TRIM2: variants seen among roughly 807,000 people sequenced by gnomAD.
TRIM2 encodes tripartite motif containing 2, also known as tripartite motif-containing protein 2.
TRIM2 carries 20 observed loss-of-function variants against 75.2 expected under a neutral mutation model. That is an observed-to-expected ratio of 0.27 (90% CI 0.19 to 0.39). The LOEUF (loss-of-function observed/expected upper bound fraction) is 0.39, where lower values mean the gene tolerates loss of function less well. TRIM2 is among the 10% of genes least tolerant of loss of function. TRIM2 has a pLI of 1.00. For synonymous variants in TRIM2, 373 were observed against 388.3 expected (o/e 0.96, Z 0.46); for missense variants, 660 against 990.8 (o/e 0.67, Z 4.48).
chr4:153,283,344 A>G (rs986109157), intron 3 of TRIM2, among the ~76,000 whole-genome samples: 5 of 152,186 alleles, frequency 3.3e-5, no homozygotes, highest in Non-Finnish European at 7.4e-5. Flanking sequence ...GCTTCCATCA[A>G]TTAGCATGTT....
chr4:153,211,102 C>T (rs1056855001), intron 1 of TRIM2, among the ~76,000 whole-genome samples: 7 of 152,144 alleles, frequency 4.6e-5, no homozygotes, highest in African/African-American at 1.7e-4. Flanking sequence ...TTTTTTCTCA[C>T]AAGCCATGCT....
chr4:153,206,197 C>A (rs548511620), intron 1 of TRIM2, among the ~76,000 whole-genome samples: 1 of 152,330 alleles, frequency 6.6e-6, no homozygotes, highest in African/African-American at 2.4e-5. Context: ...TTTAAGGGCT[C>A]AGTCCTACCA....
At chr4:153,239,433 CTCTCTCTCTGCCTT>C (rs1236909166) in intron 1 of TRIM2, among the ~76,000 whole-genome samples, 2 of 151,408 alleles carry the variant, frequency 1.3e-5, no homozygotes, top group African/African-American at 2.4e-5. Context: ...CTCTCTCTCT[CTCTCTCTCTGCCTT>C]TCTGTTATTT....
At chr4:153,284,868 A>G (rs1367576510) in intron 3 of TRIM2, among the ~76,000 whole-genome samples, 2 of 152,164 alleles carry the variant, frequency 1.3e-5, no homozygotes, top group African/African-American at 2.4e-5. Context: ...ATGACTAGCC[A>G]TATTTTCTCC....
At chr4:153,161,654 G>T (rs781651334) in intron 1 of TRIM2, among the ~76,000 whole-genome samples, 1 of 152,160 alleles carries the variant, frequency 6.6e-6, no homozygotes, top group African/African-American at 2.4e-5. Flanking sequence ...CACAGACAAC[G>T]CTAGTACACT....
intron 2 of TRIM2, among the ~76,000 whole-genome samples, chr4:153,275,013 G>A (rs1404768128): frequency 6.6e-6 from 1 of 152,178 alleles, no homozygotes; most frequent in African/African-American, 2.4e-5. Flanking sequence ...TGTTTGGCTA[G>A]GTACTGGAAA....
intron 3 of TRIM2, among the ~76,000 whole-genome samples, chr4:153,279,665 G>A (rs899922794): frequency 2.0e-5 from 3 of 152,044 alleles, no homozygotes; most frequent in East Asian, 1.9e-4. Context: ...ACATGAGGCC[G>A]AGCACAGTGG....
intron 1 of TRIM2, among the ~76,000 whole-genome samples, chr4:153,233,677 G>A (rs1027660171): frequency 2.4e-4 from 37 of 152,242 alleles, no homozygotes; most frequent in African/African-American, 8.7e-4. Flanking sequence ...AGGTGGTAGG[G>A]AGGCAGGTGG....
intron 1 of TRIM2, among the ~76,000 whole-genome samples, chr4:153,217,650 A>T (rs1202632892): frequency 6.6e-6 from 1 of 152,204 alleles, no homozygotes. Context: ...GTGTTGCAAC[A>T]AATCATGATT....
rs1419179109 is a variant in TRIM2 at position 153,295,106 on chromosome 4, G to A, written c.787-207G>A. Among the ~76,000 whole-genome samples, 2 of 152,364 alleles carry A rather than the reference G, an allele frequency of 1.3e-5. 1 individual carries two copies. Among genetic ancestry groups the A allele is most frequent in the African/African-American group, 4.8e-5 (2 of 41,590 alleles). On this transcript the variant is annotated intron_variant, in intron 5 of 11. Coordinates refer to ENST00000338700, the MANE Select transcript of TRIM2 (RefSeq NM_015271.5). The surrounding 1 kb of genome is among the most constrained non-coding windows in gnomAD (Gnocchi z 7.2). Reference sequence around the variant, plus strand: ...GAAATACATGTGTGGAAGAGAGGGCGAGGCGGAAGGGAAACCTCGAAAAGG... The same window carrying A: ...GAAATACATGTGTGGAAGAGAGGGCAAGGCGGAAGGGAAACCTCGAAAAGG...
chr4:153,279,031 G>A (rs994207227), intron 3 of TRIM2, among the ~76,000 whole-genome samples: 4 of 152,264 alleles, frequency 2.6e-5, no homozygotes, highest in Admixed American at 1.3e-4. Context: ...AATTGCAAAA[G>A]CATCAAAGCC....
chr4:153,260,726 A>ACACACACACACAC (rs768881075), intron 1 of TRIM2, among the ~76,000 whole-genome samples: 27 of 101,682 alleles, frequency 2.7e-4, no homozygotes, highest in African/African-American at 9.0e-4. Context: ...ACACACACAC[A>ACACACACACACAC]TCATCATCAT....
chr4:153,322,977 G>A (rs1258546699), intron 9 of TRIM2, among the ~76,000 whole-genome samples, 161 bp downstream of exon 9: 1 of 152,158 alleles, frequency 6.6e-6, no homozygotes, highest in Non-Finnish European at 1.5e-5. Context: ...TTCGTTGCTT[G>A]AGCCTTAGTC....
Position 153,335,603 on chromosome 4 carries a change from T to G in TRIM2, c.*637T>G, listed in dbSNP as rs1238131612. The G allele has an allele frequency of 7.1e-6, 7 of 985,314 alleles. No individual in the cohort carries two copies. Among genetic ancestry groups the G allele is most frequent in the African/African-American group, 3.5e-5 (2 of 57,238 alleles). The allele number at this position is 985,314 out of a possible 1,614,324, so 61.0% of individuals were successfully genotyped here. On this transcript the variant is annotated 3_prime_UTR_variant, in exon 12 of 12. Transcript: ENST00000338700. ...CCTTTCTGGGTTAGACAAAGATCCT[T>G]TTTTGTGTGTTCTTTTCACCACCCC...
chr4:153,312,448 A>G (rs1766574653), intron 6 of TRIM2, among the ~76,000 whole-genome samples: 1 of 152,136 alleles, frequency 6.6e-6, no homozygotes, highest in Non-Finnish European at 1.5e-5. Context: ...CAAAAAACAC[A>G]TGAAAAAATG....
At chr4:153,275,807 G>GC (rs1168974932) in intron 2 of TRIM2, 86 bp from the exon 3 acceptor site, 20 of 1,250,948 alleles carry the variant, frequency 1.6e-5, no homozygotes, top group Non-Finnish European at 2.3e-5. Context: ...CAAATACCTT[G>GC]TGTAGTCACT....
chr4:153,231,457 C>A (rs1323548817), intron 1 of TRIM2, among the ~76,000 whole-genome samples: 1 of 152,036 alleles, frequency 6.6e-6, no homozygotes, highest in Non-Finnish European at 1.5e-5. Flanking sequence ...GGGAAGGGCA[C>A]AATGGGCATT....
chr4:153,328,785 C>A, intron 11 of TRIM2, 115 bp downstream of exon 11: 1 of 1,165,448 alleles, frequency 8.6e-7, no homozygotes, highest in Non-Finnish European at 1.2e-6. Context: ...GGACATAGAA[C>A]CATAGATACT....
chr4:153,257,512 CT>C, intron 1 of TRIM2: 9 of 1,278,964 alleles, frequency 7.0e-6, no homozygotes, highest in Non-Finnish European at 8.1e-6. Context: ...CTCTCATTTC[CT>C]CCATTTTTCT....
Sources: allele counts gnomAD v4.1 joint callset (sites outside exome capture counted in the v4.1 genomes callset), GRCh38; gene constraint gnomAD v4.1.1; non-coding constraint Gnocchi (gnomAD v3.1); transcripts MANE v1.5; gene names NCBI Gene and HGNC (gene_info 2026-07-23, HGNC 2026-07-21).